The following PSD3 variants were observed in gnomAD, a reference collection of about 807,000 sequenced individuals.
The protein encoded by PSD3 is pleckstrin and Sec7 domain containing 3, also known as PH and SEC7 domain-containing protein 3.
PSD3 carries 49 observed loss-of-function variants against 105.5 expected under a neutral mutation model. The ratio of observed to expected loss-of-function variants is 0.46; its 90% CI spans 0.37 to 0.59. PSD3 has a LOEUF of 0.59. Among genes scored for constraint, PSD3 ranks in the 20% least tolerant of loss-of-function variants. The pLI is 0.00. For synonymous variants in PSD3, 557 were observed against 457.8 expected (o/e 1.22, Z -2.77); for missense variants, 1,561 against 1,263.8 (o/e 1.24, Z -3.57).
chr8:19,071,075 G>A (rs1175412015), intron 1 of PSD3, among the ~76,000 whole-genome samples: 1 of 151,446 alleles, frequency 6.6e-6, no homozygotes, highest in Non-Finnish European at 1.5e-5. Flanking sequence ...GAAGGGGGTA[G>A]GGGGGTTGGA....
At chr8:18,724,304 A>G (rs1207371400) in intron 9 of PSD3, among the ~76,000 whole-genome samples, 1 of 152,184 alleles carries the variant, frequency 6.6e-6, no homozygotes, top group Non-Finnish European at 1.5e-5. Context: ...TTAAAGCCAG[A>G]AATCTCCTTA....
intron 12 of PSD3, among the ~76,000 whole-genome samples, chr8:18,593,050 G>A (rs1265711780): frequency 6.6e-6 from 1 of 152,290 alleles, no homozygotes; most frequent in Non-Finnish European, 1.5e-5. Context: ...TACCATTCAG[G>A]ACATAGGCAC....
chr8:18,917,778 G>C (rs1195531647), intron 2 of PSD3, among the ~76,000 whole-genome samples: 3 of 152,076 alleles, frequency 2.0e-5, no homozygotes, highest in East Asian at 3.9e-4. Context: ...AAATCTCCAA[G>C]GATGGCAGAC....
rs79354899 is a variant in PSD3, at chr8:18,535,661, A to T, written c.*82T>A. Reference sequence around the variant, plus strand: ...GTTTTGTCACAGACTTTTTTTTTTTAAATATATTCACGGATTACCAGAAAG... The same window carrying T: ...GTTTTGTCACAGACTTTTTTTTTTTTAATATATTCACGGATTACCAGAAAG... On this transcript the variant is annotated 3_prime_UTR_variant, in exon 16 of 16. Coordinates refer to ENST00000327040, the MANE Select transcript of PSD3 (RefSeq NM_015310.4). 125 of 984,514 alleles carry T rather than the reference A, an allele frequency of 1.3e-4. No individual in the cohort carries two copies. The highest frequency in any genetic ancestry group is 3.1e-4 in the African/African-American group (19 of 60,448). The allele number at this position is 984,514 out of a possible 1,614,324, so 61.0% of individuals were successfully genotyped here.
chr8:18,833,928 T>C (rs757300933), intron 4 of PSD3, among the ~76,000 whole-genome samples: 1 of 152,018 alleles, frequency 6.6e-6, no homozygotes, highest in Non-Finnish European at 1.5e-5. Flanking sequence ...CTTTAATAAA[T>C]CATGAGGGAC....
At chr8:18,703,728 T>G (rs1585670144) in intron 9 of PSD3, among the ~76,000 whole-genome samples, 1 of 152,256 alleles carries the variant, frequency 6.6e-6, no homozygotes, top group East Asian at 1.9e-4. Context: ...TTTTTTAAAA[T>G]AAGTAAAATA....
rs769992516 is a variant in PSD3, at chr8:18,535,775, C to G, written c.3112G>C (p.Glu1038Gln). 1.2e-5 allele frequency: 20 copies of G among 1,613,872 alleles called. No individual in the cohort carries two copies. In the Middle Eastern group the frequency reaches 4.9e-4, roughly 40 times the overall value. The stretch of plus-strand genomic sequence containing the variant: ...ACTTTTTGCTTAATGCTTGGTGTTT[C>G]AGGTCGGTGATCCTTCCTCTCTGAC... ...NVSERKDHRP[E>Q]TPSIKQKVT Residue 1038 changes from glutamate to glutamine, a missense_variant, in exon 16 of 16, where the codon GAA (glutamate) becomes CAA (glutamine). Glu to Gln is a conservative substitution (Grantham distance 29, BLOSUM62 2). Coordinates refer to ENST00000327040, the MANE Select transcript of PSD3 (RefSeq NM_015310.4).
chr8:18,835,438 G>T (rs1433220869), intron 4 of PSD3, among the ~76,000 whole-genome samples: 1 of 152,106 alleles, frequency 6.6e-6, no homozygotes, highest in African/African-American at 2.4e-5. Context: ...TATTTATTGA[G>T]TGCCTACTAC....
intron 8 of PSD3, among the ~76,000 whole-genome samples, chr8:18,790,492 T>C (rs146139204): frequency 0.034 from 5,106 of 151,714 alleles, 103 homozygotes; most frequent in African/African-American, 0.054. Flanking sequence ...TTAGTAGAGA[T>C]GGGGTTTCAC....
At chr8:18,584,438 A>T (rs1295693536) in intron 12 of PSD3, among the ~76,000 whole-genome samples, 1 of 152,206 alleles carries the variant, frequency 6.6e-6, no homozygotes, top group South Asian at 2.1e-4. Context: ...AATGGGAAAA[A>T]TATTAGCTTG....
At chr8:18,689,926 C>T (rs535333699) in intron 9 of PSD3, among the ~76,000 whole-genome samples, 1 of 152,122 alleles carries the variant, frequency 6.6e-6, no homozygotes, top group African/African-American at 2.4e-5. Context: ...GTGACTTGTC[C>T]AGGAGCTCAT....
chr8:18,902,469 T>C (rs1009378329), intron 2 of PSD3, among the ~76,000 whole-genome samples: 14 of 152,248 alleles, frequency 9.2e-5, no homozygotes, highest in African/African-American at 3.1e-4. Flanking sequence ...TTTGAATTCA[T>C]ATTCCACCAA....
At chr8:18,686,658 T>C (rs1800677335) in intron 9 of PSD3, among the ~76,000 whole-genome samples, 1 of 152,128 alleles carries the variant, frequency 6.6e-6, no homozygotes, top group Non-Finnish European at 1.5e-5. Context: ...TCAGGCCTCA[T>C]CCTACTGACC....
At chr8:18,662,655 T>C (rs1453896365) in intron 9 of PSD3, among the ~76,000 whole-genome samples, 1 of 152,192 alleles carries the variant, frequency 6.6e-6, no homozygotes, top group Non-Finnish European at 1.5e-5. Flanking sequence ...ATAAAGTTAG[T>C]GTTCTTTGCC....
At chr8:18,691,197 CA>C (rs1217820543) in intron 9 of PSD3, among the ~76,000 whole-genome samples, 1 of 152,156 alleles carries the variant, frequency 6.6e-6, no homozygotes, top group Non-Finnish European at 1.5e-5. Context: ...ATTCTTAAGG[CA>C]GGGGGAACAC....
chr8:18,697,409 T>C (rs1363245491), intron 9 of PSD3, among the ~76,000 whole-genome samples: 1 of 152,222 alleles, frequency 6.6e-6, no homozygotes, highest in Non-Finnish European at 1.5e-5. Context: ...CTCTTAAATA[T>C]GGAGCCCATC....
intron 12 of PSD3, among the ~76,000 whole-genome samples, chr8:18,588,895 G>GTGTT (rs35655035): frequency 0.33 from 50,834 of 151,990 alleles, 9,233 homozygotes; most frequent in Non-Finnish European, 0.42. Flanking sequence ...TGTGAGAATA[G>GTGTT]TGTTCTCTTC....
At chr8:18,907,460 C>A (rs571863676) in intron 2 of PSD3, among the ~76,000 whole-genome samples, 1 of 152,300 alleles carries the variant, frequency 6.6e-6, no homozygotes, top group East Asian at 1.9e-4. Flanking sequence ...CAGGCATGAA[C>A]CACTGCACCT....
At chr8:18,616,628 C>CTTTTTCTT (rs1554523533) in intron 11 of PSD3, among the ~76,000 whole-genome samples, 1 of 126,776 alleles carries the variant, frequency 7.9e-6, no homozygotes. Flanking sequence ...CTTTTCTTTT[C>CTTTTTCTT]TTTTTTTTTT....
Sources: allele counts gnomAD v4.1 joint callset (sites outside exome capture counted in the v4.1 genomes callset), GRCh38; gene constraint gnomAD v4.1.1; transcripts MANE v1.5; gene names NCBI Gene and HGNC (gene_info 2026-07-23, HGNC 2026-07-21).